The following DOK7 variants were observed in gnomAD, a reference collection of about 807,000 sequenced individuals.
DOK7 encodes docking protein 7, also known as protein Dok-7.
In DOK7, 32 loss-of-function variants were observed where a neutral mutation model predicts 30.7. That is an observed-to-expected ratio of 1.04 (90% CI 0.79 to 1.40). DOK7 has a LOEUF of 1.40. Ranked by LOEUF, DOK7 falls within the 40% of genes most tolerant of loss-of-function variation. The pLI, the probability that DOK7 is intolerant of heterozygous loss-of-function variation, is 0.00. For synonymous variants in DOK7, 447 were observed against 324.1 expected, an observed-to-expected ratio of 1.38 and a Z score of -4.07; for missense variants, 1,007 against 699.2, an observed-to-expected ratio of 1.44 and a Z score of -4.97.
At chr4:3,500,030 G>T (rs1016241711) in intron 6 of DOK7, among the ~76,000 whole-genome samples, 48 of 147,840 alleles carry the variant, frequency 3.2e-4, no homozygotes, top group African/African-American at 1.1e-3. Flanking sequence ...TGCTCTGTGG[G>T]TACTTGGACC....
At chr4:3,476,622 G>A (rs975169509) in intron 4 of DOK7, 80 bp downstream of exon 4, 74 of 1,570,466 alleles carry the variant, frequency 4.7e-5, no homozygotes, top group African/African-American at 9.5e-5. Context: ...CGGGCCGGCC[G>A]ACCCCACTTG....
chr4:3,473,706 G>A, intron 3 of DOK7, 70 bp downstream of exon 3: 1 of 1,408,702 alleles, frequency 7.1e-7, no homozygotes, highest in Non-Finnish European at 9.6e-7. Context: ...CACCAACGTG[G>A]GCTGCAGAGG....
At chr4:3,490,270 CTT>C (rs1728183142) in intron 6 of DOK7, among the ~76,000 whole-genome samples, 2 of 120,526 alleles carry the variant, frequency 1.7e-5, no homozygotes, top group Non-Finnish European at 3.5e-5. Flanking sequence ...TCATTCCTTC[CTT>C]CCCCACCTTG....
At chr4:3,465,995 C>T (rs1726240506) in intron 2 of DOK7, among the ~76,000 whole-genome samples, 1 of 152,064 alleles carries the variant, frequency 6.6e-6, no homozygotes, top group Non-Finnish European at 1.5e-5. Context: ...GGCCCCAGGC[C>T]AGACACTTGA....
chr4:3,491,521 GTTCA>G (rs1376418248), intron 6 of DOK7, among the ~76,000 whole-genome samples: 1 of 70,706 alleles, frequency 1.4e-5, no homozygotes, highest in Non-Finnish European at 3.1e-5. Flanking sequence ...CCTTCTGTCT[GTTCA>G]TTCATTTCTT....
chr4:3,468,159 T>C (rs139511803), intron 2 of DOK7, among the ~76,000 whole-genome samples: 2 of 147,458 alleles, frequency 1.4e-5, no homozygotes, highest in Non-Finnish European at 2.9e-5. Flanking sequence ...TGCAAGTGTG[T>C]GTGTGCATGT....
chr4:3,489,412 G>A lies in DOK7; in HGVS notation c.653-265G>A, dbSNP rs743717. Among the ~76,000 whole-genome samples, 7,011 of 152,274 alleles carry A rather than the reference G, an allele frequency of 0.046. 198 individuals are homozygous for A. Among genetic ancestry groups the A allele is most frequent in the Admixed American group, 0.069 (1,049 of 15,304 alleles). On this transcript the variant is annotated intron_variant, in intron 5 of 6. Transcript: ENST00000340083. ...ATGAGGAAGGAGGGGTCTGGCCGGC[G>A]TGGGGTCCTGGTGAGTGGGCAGGTG...
exon 7 of DOK7, chr4:3,500,303 C>T (rs780320531): frequency 3.3e-6 from 5 of 1,535,928 alleles, no homozygotes; most frequent in African/African-American, 1.4e-5. Context: ...GGCCGCGCGG[C>T]GAGTCGCCCA....
At position 3,500,148 on chromosome 4, in the gene DOK7, GGGA is replaced by G. The variant is rs1729119724; in HGVS notation, c.1109-97_1109-95del. On this transcript the variant is annotated intron_variant, in intron 6 of 7. Transcript: ENST00000643608. ...TCCAAGGTGCAGGAGAGGCGGAGTG[GGGA>G]GGAGGGGCTAGGCAGGGTGGGCAGC... 5 of 1,373,774 alleles carry G rather than the reference GGGA, an allele frequency of 3.6e-6. No homozygotes were observed. The East Asian group carries it at 1.3e-4, about 35-fold the overall frequency. 85.1% of individuals were successfully genotyped at this position (1,373,774 alleles called of 1,614,324 possible).
rs996835270 is a variant in DOK7, at chr4:3,484,507, C to T, written c.533-1032C>T. 18 of 985,362 alleles carry T rather than the reference C, an allele frequency of 1.8e-5. No homozygotes were observed. The East Asian group carries it at 9.1e-4, about 50-fold the overall frequency. 61.0% of individuals were successfully genotyped at this position (985,362 alleles called of 1,614,324 possible). A position where few individuals can be genotyped will look rare whatever the true frequency, so the allele number is the denominator to read the frequency against. Reference sequence around the variant, plus strand: ...GGGATTCCTGTGAGGTGACGCCAGCCGGAGTGTCCAGCCGGGTGCAGCCAG... The same window carrying T: ...GGGATTCCTGTGAGGTGACGCCAGCTGGAGTGTCCAGCCGGGTGCAGCCAG... On this transcript the variant is annotated intron_variant, in intron 4 of 6. Transcript: ENST00000340083.
chr4:3,472,935 C>T (rs1172416616), intron 2 of DOK7, among the ~76,000 whole-genome samples: 2 of 152,204 alleles, frequency 1.3e-5, no homozygotes, highest in African/African-American at 4.8e-5. Context: ...GGCGGTGGGT[C>T]TCGAGGCAGC....
At chr4:3,471,929 A>T (rs1276916630) in intron 2 of DOK7, among the ~76,000 whole-genome samples, 1 of 152,236 alleles carries the variant, frequency 6.6e-6, no homozygotes, top group Non-Finnish European at 1.5e-5. Context: ...CCGCGCCCAC[A>T]CCACGCCTTG....
chr4:3,495,463 G>C (rs1425646123), downstream of DOK7, among the ~76,000 whole-genome samples: 1 of 152,242 alleles, frequency 6.6e-6, no homozygotes, highest in East Asian at 1.9e-4. Context: ...TTGCCTGGCG[G>C]GGCTGGGCCC....
At chr4:3,478,473 C>A (rs1373811072) in intron 4 of DOK7, among the ~76,000 whole-genome samples, 1 of 56,656 alleles carries the variant, frequency 1.8e-5, no homozygotes, top group Non-Finnish European at 3.2e-5. Flanking sequence ...GTTAGAGCAG[C>A]CCCACCCGCA....
In DOK7 at chr4:3,492,957, C is replaced by A; in HGVS notation, c.971C>A (p.Pro324Gln). 2.6e-6 allele frequency: 4 copies of A among 1,553,084 alleles called. No individual in the cohort carries two copies. Among genetic ancestry groups the A allele is most frequent in the Non-Finnish European group, 3.5e-6 (4 of 1,152,038 alleles). ...AGGCCACCCCCCAAGCCGCTGCGTC[C>A]GCGGCAGCTGCAGGAGGTTGGCCGC... ...ASRPPPKPLR[P>Q]RQLQEVGRQS... The change falls in exon 7 of 7, where the codon CCG becomes CAG. Residue 324 changes from proline (P) to glutamine (Q), a missense_variant. By Grantham distance (76) the Pro-to-Gln change is moderately conservative. Coordinates refer to ENST00000340083, the MANE Select transcript of DOK7 (RefSeq NM_173660.5).
downstream of DOK7, among the ~76,000 whole-genome samples, chr4:3,497,606 C>T (rs769945898): frequency 3.3e-5 from 5 of 152,056 alleles, no homozygotes; most frequent in African/African-American, 4.8e-5. Context: ...GGAGCCACTG[C>T]GGGCTAAACC....
intron 5 of DOK7, among the ~76,000 whole-genome samples, chr4:3,487,090 C>G (rs1560221908): frequency 6.6e-6 from 1 of 152,146 alleles, no homozygotes; most frequent in Non-Finnish European, 1.5e-5. Context: ...ACCAGAAGTC[C>G]CAGACCCCAC....
intron 6 of DOK7, among the ~76,000 whole-genome samples, chr4:3,492,045 G>T (rs1234216598): frequency 6.6e-6 from 1 of 152,214 alleles, no homozygotes; most frequent in East Asian, 1.9e-4. Context: ...TGCCTTCCTG[G>T]GGGTGACTCA....
rs1026279841 is a variant in DOK7, at chr4:3,493,615, G to A, written c.*114G>A. The A allele has an allele frequency of 2.4e-5, 36 of 1,507,040 alleles. No individual in the cohort carries two copies. Among genetic ancestry groups the A allele is most frequent in the African/African-American group, 9.8e-5 (7 of 71,492 alleles). The allele number at this position is 1,507,040 out of a possible 1,614,324, so 93.4% of individuals were successfully genotyped here. On this transcript the variant is annotated 3_prime_UTR_variant, in exon 7 of 7. Transcript: ENST00000340083. Reference sequence around the variant, plus strand: ...TGCTCTGTGTTCTGTGGGAGGGACCGGGGGTCTCCCGGAGAGGGGAGCTGG... The same window carrying A: ...TGCTCTGTGTTCTGTGGGAGGGACCAGGGGTCTCCCGGAGAGGGGAGCTGG...
Sources: gnomAD v4.1 joint callset for allele counts (sites outside exome capture counted in the v4.1 genomes callset) on GRCh38, gnomAD v4.1.1 for gene constraint, MANE v1.5 for transcripts, NCBI Gene and HGNC (gene_info 2026-07-23, HGNC 2026-07-21) for gene names.